NIPBL: variants seen among roughly 807,000 people sequenced by gnomAD.
NIPBL encodes the protein NIPBL cohesin loading factor, also known as nipped-B-like protein.
In NIPBL, 19 loss-of-function variants were observed where a neutral mutation model predicts 321.8. That is an observed-to-expected ratio of 0.06 (90% CI 0.04 to 0.09). NIPBL has a LOEUF of 0.09. NIPBL is among the 10% of genes least tolerant of loss of function. The pLI, the probability that NIPBL is intolerant of heterozygous loss-of-function variation, is 1.00. For missense variants in NIPBL, 2,210 were observed against 3,327.0 expected (o/e 0.66, Z 8.26); for synonymous variants, 1,106 against 1,114.1 (o/e 0.99, Z 0.14).
In NIPBL at chr5:36,970,790, TG is replaced by T; in HGVS notation, c.611-85del. 5 of 1,186,674 alleles carry T rather than the reference TG, an allele frequency of 4.2e-6. No homozygotes were observed. The South Asian group carries it at 6.5e-5, about 15-fold the overall frequency. 73.5% of individuals were successfully genotyped at this position (1,186,674 alleles called of 1,614,324 possible). A position where few individuals can be genotyped will look rare whatever the true frequency, so the allele number is the denominator to read the frequency against. ...TATATTATTCTCTGTAATTTCTATA[TG>T]CTTAAAATATTTGTGAATAATTACT... is the stretch of plus-strand genomic sequence containing the variant. On this transcript the variant is annotated intron_variant, in intron 6 of 46. Transcript: ENST00000282516.
At chr5:37,002,976 A>T (rs1377964363) in intron 15 of NIPBL, among the ~76,000 whole-genome samples, 1 of 151,892 alleles carries the variant, frequency 6.6e-6, no homozygotes, top group Non-Finnish European at 1.5e-5. Context: ...ATATTACTGC[A>T]TTGAAAGAGG....
chr5:36,971,152 G>C (rs1742807458), intron 7 of NIPBL, 116 bp downstream of exon 7: 12 of 840,936 alleles, frequency 1.4e-5, no homozygotes, highest in Non-Finnish European at 2.4e-5. Flanking sequence ...ACTGGGTACT[G>C]AGTACAACAT....
At chr5:36,949,780 T>G (rs955878750) in intron 1 of NIPBL, among the ~76,000 whole-genome samples, 1 of 151,952 alleles carries the variant, frequency 6.6e-6, no homozygotes, top group African/African-American at 2.4e-5. Flanking sequence ...TGTCCCAATT[T>G]TAGTAGTATT....
chr5:36,886,592 T>C (rs1414912508), intron 1 of NIPBL: 3 of 551,638 alleles, frequency 5.4e-6, no homozygotes, highest in Non-Finnish European at 9.8e-6. Context: ...AAAATAGTTA[T>C]CTGATGACTG....
intron 24 of NIPBL, 147 bp from the exon 25 acceptor site, chr5:37,019,164 A>G: frequency 1.5e-6 from 1 of 652,690 alleles, no homozygotes; most frequent in Non-Finnish European, 2.7e-6. Context: ...TTCGGAAATA[A>G]TATTTTTCTG....
chr5:37,030,915 T>TA (rs1750931044), intron 32 of NIPBL, among the ~76,000 whole-genome samples: 1 of 144,940 alleles, frequency 6.9e-6, no homozygotes. Flanking sequence ...CCACCATGTT[T>TA]AGCCTTTTTT....
rs185107930 is a variant in NIPBL at position 37,030,318 on chromosome 5, T to C, written c.5862+2906T>C. On this transcript the variant is annotated intron_variant, in intron 32 of 46. Transcript: ENST00000282516. ...GCAACTTAGTTTACCAATGATATTGTGACTTTGTGATATATTTCCTTATAC... is the reference window on the plus strand; with the variant it reads ...GCAACTTAGTTTACCAATGATATTGCGACTTTGTGATATATTTCCTTATAC... Among the ~76,000 whole-genome samples, 13 of 152,304 alleles carry C rather than the reference T, an allele frequency of 8.5e-5. No homozygotes were observed. In the East Asian group the frequency reaches 2.1e-3, roughly 25 times the overall value.
At position 36,920,889 on chromosome 5, in the gene NIPBL, A is replaced by G. The variant is rs181078795; in HGVS notation, c.-79-32729A>G. 1.7e-3 allele frequency among the ~76,000 whole-genome samples: 250 copies of G among 150,234 alleles called. 1 individual carries two copies. Among genetic ancestry groups the G allele is most frequent in the African/African-American group, 6.0e-3 (246 of 40,778 alleles). On this transcript the variant is annotated intron_variant, in intron 1 of 46. Coordinates refer to ENST00000282516, the MANE Select transcript of NIPBL (RefSeq NM_133433.4). The stretch of plus-strand genomic sequence containing the variant: ...TCATTCTCTCCTCTGTATTGCTGCT[A>G]TAGTTGTCACTTTCTTCTACATTCC...
intron 4 of NIPBL, 89 bp from the exon 5 acceptor site, chr5:36,961,395 A>G (rs1430075142): frequency 4.8e-6 from 4 of 828,050 alleles, no homozygotes; most frequent in Non-Finnish European, 8.4e-6. Context: ...AATCTCTGGA[A>G]TGTTTGAAAG....
intron 5 of NIPBL, 134 bp from the exon 6 acceptor site, chr5:36,961,989 G>T: frequency 1.0e-6 from 1 of 994,664 alleles, no homozygotes; most frequent in Non-Finnish European, 1.5e-6. Flanking sequence ...TGACTATTTT[G>T]CAAGATTCTT....
chr5:37,030,024 T>A (rs1213484680), intron 32 of NIPBL, among the ~76,000 whole-genome samples: 1 of 152,218 alleles, frequency 6.6e-6, no homozygotes, highest in Non-Finnish European at 1.5e-5. Context: ...ATTTGATAGT[T>A]ATTATAAATG....
At chr5:36,934,175 A>G (rs959688753) in intron 1 of NIPBL, among the ~76,000 whole-genome samples, 5 of 152,108 alleles carry the variant, frequency 3.3e-5, no homozygotes, top group Non-Finnish European at 5.9e-5. Flanking sequence ...TATCTAATAC[A>G]TTCTCTAGCA....
At chr5:37,021,941 T>C in intron 27 of NIPBL, 110 bp from the exon 28 acceptor site, 2 of 834,250 alleles carry the variant, frequency 2.4e-6, no homozygotes, top group Non-Finnish European at 4.0e-6. Flanking sequence ...TATATACAGA[T>C]TAAAGAGAGG....
In NIPBL at chr5:37,066,031, G is replaced by T. The variant is rs1224478916; in HGVS notation, c.*1139G>T. On this transcript the variant is annotated 3_prime_UTR_variant, in exon 47 of 47. Transcript: ENST00000282516. ...ACAAATTATTTTTTAATGCTGAAAA[G>T]AGTAATTTTACTTGTTGAGATGTTT... The T allele has an allele frequency of 2.0e-5, 3 of 152,116 alleles. No individual in the cohort carries two copies. Among genetic ancestry groups the T allele is most frequent in the African/African-American group, 7.2e-5 (3 of 41,436 alleles). 9.4% of individuals were successfully genotyped at this position (152,116 alleles called of 1,614,324 possible). A position where few individuals can be genotyped will look rare whatever the true frequency, so the allele number is the denominator to read the frequency against.
chr5:36,923,179 A>ACG (rs879269008), intron 1 of NIPBL, among the ~76,000 whole-genome samples: 75 of 152,070 alleles, frequency 4.9e-4, no homozygotes, highest in Non-Finnish European at 9.7e-4. Context: ...GGTGGCGTGC[A>ACG]CCTGTAGTCC....
At chr5:36,979,421 AT>A (rs1743890011) in intron 9 of NIPBL, among the ~76,000 whole-genome samples, 1 of 151,826 alleles carries the variant, frequency 6.6e-6, no homozygotes, top group Non-Finnish European at 1.5e-5. Context: ...CATGCTACTG[AT>A]TTTGGTACAA....
Position 37,020,886 on chromosome 5 carries a change from G to T in NIPBL, c.5328+9G>T. The T allele has an allele frequency of 5.8e-6, 9 of 1,552,066 alleles. No individual in the cohort carries two copies. The highest frequency in any genetic ancestry group is 7.1e-6 in the Non-Finnish European group (8 of 1,123,366). On this transcript the variant is annotated intron_variant, in intron 27 of 46. Transcript: ENST00000282516. ...ATATTTATTTGACACAGGTAAACTG[G>T]ATAAGAATTCCTTATACAGTGATAT... is the stretch of plus-strand genomic sequence containing the variant.
Position 36,972,019 on chromosome 5 carries a change from T to G in NIPBL, c.846T>G (p.Ala282=). The change falls in exon 8 of 47, where the codon GCT becomes GCG. Residue 282 remains alanine (A), a synonymous_variant. Coordinates refer to ENST00000282516, the MANE Select transcript of NIPBL (RefSeq NM_133433.4). ...LRSPQPVCSP[A]GSEGTPKGSR... The stretch of plus-strand genomic sequence containing the variant: ...CTCCACAGCCAGTATGCTCCCCTGC[T>G]GGAAGTGAAGGAACTCCTAAAGGTA... The G allele has an allele frequency of 1.2e-6, 2 of 1,613,096 alleles. No homozygotes were observed. The highest frequency in any genetic ancestry group is 1.7e-6 in the Non-Finnish European group (2 of 1,179,194).
At chr5:36,978,752 A>G (rs1196917434) in intron 9 of NIPBL, among the ~76,000 whole-genome samples, 1 of 151,852 alleles carries the variant, frequency 6.6e-6, no homozygotes, top group Non-Finnish European at 1.5e-5. Context: ...ATTCATCTTG[A>G]GTTAATTTTT....
Sources: gnomAD v4.1 joint callset for allele counts (sites outside exome capture counted in the v4.1 genomes callset) on GRCh38, gnomAD v4.1.1 for gene constraint, MANE v1.5 for transcripts, NCBI Gene and HGNC (gene_info 2026-07-23, HGNC 2026-07-21) for gene names.